The following SLC49A4 variants were observed in gnomAD, a reference collection of about 807,000 sequenced individuals.
The protein encoded by SLC49A4 is disrupted in renal cancer protein 2.
SLC49A4 carries 36 observed loss-of-function variants against 50.6 expected under a neutral mutation model. The observed-to-expected ratio is 0.71, with a 90% confidence interval of 0.55 to 0.94. SLC49A4 has a LOEUF of 0.94. Ranked by LOEUF, SLC49A4 falls within the 40% of genes least tolerant of loss-of-function variation. The probability of loss-of-function intolerance (pLI) is 0.00; values close to 1 mark genes in which losing one functional copy is unlikely to be tolerated. For synonymous variants in SLC49A4, 248 were observed against 241.2 expected (o/e 1.03, Z -0.26); for missense variants, 503 against 605.7 (o/e 0.83, Z 1.78).
chr3:122,857,261 T>C (rs902832644), intron 6 of SLC49A4, among the ~76,000 whole-genome samples: 2 of 105,854 alleles, frequency 1.9e-5, no homozygotes, highest in African/African-American at 7.5e-5. Context: ...GAGTCAGAAG[T>C]AGGAAAAAGG....
intron 2 of SLC49A4, among the ~76,000 whole-genome samples, chr3:122,819,195 C>G (rs927016053): frequency 3.5e-5 from 5 of 142,142 alleles, no homozygotes; most frequent in Admixed American, 1.5e-4. Context: ...AGTGAGCTGC[C>G]TTCGTGCCAC....
At chr3:122,816,679 T>A (rs1204048388) in intron 2 of SLC49A4, among the ~76,000 whole-genome samples, 1 of 152,234 alleles carries the variant, frequency 6.6e-6, no homozygotes, top group Non-Finnish European at 1.5e-5. Flanking sequence ...AGGTAGCAGT[T>A]CTGATCTACG....
Position 122,826,859 on chromosome 3 carries a change from C to T in SLC49A4, c.497C>T (p.Ala166Val). The change falls in exon 3 of 9, where the codon GCA becomes GTA. Residue 166 changes from alanine (A) to valine (V), a missense_variant. Ala to Val is a moderately conservative substitution (Grantham distance 64). Coordinates refer to ENST00000261038, the MANE Select transcript of SLC49A4 (RefSeq NM_032839.3). ...GLAGPTVMNA[A>V]PFLSTTWFSA... ...GCAGGTCCAACTGTAATGAATGCAG[C>T]ACCATTTCTCTCTACGACGTGGTTT... The T allele has an allele frequency of 1.2e-6, 2 of 1,614,096 alleles. No homozygotes were observed. Among genetic ancestry groups the T allele is most frequent in the Non-Finnish European group, 1.7e-6 (2 of 1,179,966 alleles).
At chr3:122,854,242 G>A (rs765105195) in intron 5 of SLC49A4, among the ~76,000 whole-genome samples, 5 of 152,208 alleles carry the variant, frequency 3.3e-5, no homozygotes, top group Non-Finnish European at 5.9e-5. Context: ...GCTTCAGGAT[G>A]TTATCCTTCT....
intron 4 of SLC49A4, among the ~76,000 whole-genome samples, chr3:122,845,389 C>T (rs1001570496): frequency 1.3e-5 from 2 of 152,088 alleles, no homozygotes; most frequent in Non-Finnish European, 2.9e-5. Flanking sequence ...AGGTTGATTC[C>T]ACATCTTTGC....
At chr3:122,822,595 C>T (rs150380334) in intron 2 of SLC49A4, among the ~76,000 whole-genome samples, 17 of 152,232 alleles carry the variant, frequency 1.1e-4, no homozygotes, top group African/African-American at 2.2e-4. Context: ...TTATTATAAA[C>T]GATCTTTCTG....
intron 7 of SLC49A4, among the ~76,000 whole-genome samples, chr3:122,870,572 GC>G (rs1456282942): frequency 3.3e-5 from 5 of 150,918 alleles, no homozygotes; most frequent in Admixed American, 2.0e-4. Flanking sequence ...ACTTTGGGGG[GC>G]TGAGGCAGGT....
intron 7 of SLC49A4, among the ~76,000 whole-genome samples, chr3:122,863,755 T>G (rs1937083447): frequency 6.6e-6 from 1 of 152,224 alleles, no homozygotes; most frequent in Non-Finnish European, 1.5e-5. Context: ...TAGAATTTCT[T>G]TTACTGCTTT....
At chr3:122,797,723 G>A (rs376145793) in intron 1 of SLC49A4, among the ~76,000 whole-genome samples, 4 of 152,232 alleles carry the variant, frequency 2.6e-5, no homozygotes, top group East Asian at 1.9e-4. Context: ...GCTCATGTTT[G>A]TAATCTCAGC....
chr3:122,879,077 G>A (rs527415999), intron 8 of SLC49A4, among the ~76,000 whole-genome samples, 186 bp from the exon 9 acceptor site: 144 of 152,080 alleles, frequency 9.5e-4, no homozygotes, highest in Non-Finnish European at 9.1e-4. Flanking sequence ...TGGAAGCCCC[G>A]TCATATATTA....
At chr3:122,858,819 C>T (rs920043967) in intron 6 of SLC49A4, among the ~76,000 whole-genome samples, 9 of 152,018 alleles carry the variant, frequency 5.9e-5, no homozygotes, top group Non-Finnish European at 1.0e-4. Context: ...GGATTGTGCC[C>T]GTACAATCAA....
rs373319544 is a variant in SLC49A4 at position 122,835,124 on chromosome 3, C to T, written c.833+1678C>T. Among the ~76,000 whole-genome samples, 273 of 152,214 alleles carry T rather than the reference C, an allele frequency of 1.8e-3. 11 individuals are homozygous for T. In the South Asian group the frequency reaches 0.051, roughly 28 times the overall value. On this transcript the variant is annotated intron_variant, in intron 4 of 8. Transcript: ENST00000261038. ...AGATGGATTCACAGTTGAATTCTAC[C>T]GGACTTTCAAAGAAGAATTTATACC...
At chr3:122,876,585 C>G (rs1937270878) in intron 8 of SLC49A4, among the ~76,000 whole-genome samples, 1 of 152,204 alleles carries the variant, frequency 6.6e-6, no homozygotes, top group Non-Finnish European at 1.5e-5. Flanking sequence ...ATGGGGTCAG[C>G]TGGCTGCTCA....
Position 122,826,918 on chromosome 3 carries a change from G to A in SLC49A4, c.556G>A (p.Ala186Thr). 6.2e-7 allele frequency: 1 copy of A among 1,614,198 alleles called. No homozygotes were observed. Among genetic ancestry groups the A allele is most frequent in the Non-Finnish European group, 8.5e-7 (1 of 1,180,034 alleles). The change falls in exon 3 of 9, where the codon GCA becomes ACA. Residue 186 changes from alanine to threonine, a missense_variant. By Grantham distance (58) the Ala-to-Thr change is moderately conservative (BLOSUM62 0). Transcript: ENST00000261038. ...ADERATATAI[A>T]SMLSYLGGAC... ...TGAAAGGGCCACAGCCACAGCTATT[G>A]CATCAATGCTCAGTTATCTTGGGGG...
At chr3:122,848,402 A>G (rs539351513) in intron 5 of SLC49A4, among the ~76,000 whole-genome samples, 92 of 152,116 alleles carry the variant, frequency 6.0e-4, no homozygotes, top group Non-Finnish European at 1.1e-3. Context: ...ATAAATAAGT[A>G]CTAGTTTTGA....
At chr3:122,868,728 G>A (rs1348571110) in intron 7 of SLC49A4, among the ~76,000 whole-genome samples, 10 of 152,124 alleles carry the variant, frequency 6.6e-5, no homozygotes, top group Admixed American at 6.6e-4. Context: ...TTTACTTTCT[G>A]CATTTCCACA....
intron 3 of SLC49A4, among the ~76,000 whole-genome samples, chr3:122,830,819 A>G (rs191104218): frequency 6.0e-4 from 91 of 152,304 alleles, no homozygotes; most frequent in Non-Finnish European, 6.8e-4. Context: ...TTGTGCTTCA[A>G]AGAACCCAGA....
chr3:122,878,571 A>G (rs1395663503), intron 8 of SLC49A4, among the ~76,000 whole-genome samples: 1 of 152,228 alleles, frequency 6.6e-6, no homozygotes, highest in African/African-American at 2.4e-5. Flanking sequence ...TTCTTGACAC[A>G]TTAAATCAAA....
At chr3:122,809,089 A>G (rs1384983857) in intron 2 of SLC49A4, among the ~76,000 whole-genome samples, 2 of 152,188 alleles carry the variant, frequency 1.3e-5, no homozygotes, top group Non-Finnish European at 2.9e-5. Context: ...AGTGGGGGAG[A>G]GTGGATTTCA....
Sources: gnomAD v4.1 joint callset for allele counts (sites outside exome capture counted in the v4.1 genomes callset) on GRCh38, gnomAD v4.1.1 for gene constraint, MANE v1.5 for transcripts, NCBI Gene and HGNC (gene_info 2026-07-23, HGNC 2026-07-21) for gene names.